The following GALNT13 variants were observed in gnomAD, a reference collection of about 807,000 sequenced individuals.
GALNT13 encodes UDP-GalNAc:polypeptide N-acetylgalactosaminyltransferase 13.
Under a neutral mutation model 64.2 loss-of-function variants are expected in GALNT13, and 28 were observed. That is an observed-to-expected ratio of 0.44 (90% confidence interval 0.32 to 0.60). The LOEUF is 0.60. Among genes scored for constraint, GALNT13 ranks in the 20% least tolerant of loss-of-function variants. The pLI is 0.05. For missense variants in GALNT13, 577 were observed against 669.8 expected, an observed-to-expected ratio of 0.86 and a Z score of 1.53; for synonymous variants, 214 against 224.6, an observed-to-expected ratio of 0.95 and a Z score of 0.42.
the GALNT13 span, among the ~76,000 whole-genome samples, chr2:153,321,018 C>T: frequency 1.3e-5 from 2 of 152,138 alleles, 1 homozygote; most frequent in Non-Finnish European, 2.9e-5. Context: ...CTTAATATAG[C>T]TCATGTTAAC....
chr2:154,432,645 T>C (rs1481813079), intron 11 of GALNT13, among the ~76,000 whole-genome samples: 1 of 152,180 alleles, frequency 6.6e-6, no homozygotes, highest in Non-Finnish European at 1.5e-5. Flanking sequence ...GCTTCCGGTG[T>C]TTGCCAACAA....
intron 3 of GALNT13, among the ~76,000 whole-genome samples, chr2:154,015,959 A>G (rs1004107962): frequency 6.6e-6 from 1 of 152,234 alleles, no homozygotes; most frequent in African/African-American, 2.4e-5. Flanking sequence ...GAGGTGCCAG[A>G]CAAAATGAAA....
At chr2:153,166,670 T>TGTGTGTGTGA in the GALNT13 span, among the ~76,000 whole-genome samples, 3 of 143,350 alleles carry the variant, frequency 2.1e-5, no homozygotes, top group Admixed American at 7.1e-5. Flanking sequence ...TGTGTGTGTG[T>TGTGTGTGTGA]GATGGGACTG....
the GALNT13 span, among the ~76,000 whole-genome samples, chr2:153,859,677 A>C: frequency 6.6e-6 from 1 of 152,184 alleles, no homozygotes; most frequent in Non-Finnish European, 1.5e-5. Flanking sequence ...ATTCACCCTG[A>C]ACCACACAGA....
the GALNT13 span, among the ~76,000 whole-genome samples, chr2:153,264,774 G>A: frequency 6.6e-6 from 1 of 152,128 alleles, no homozygotes; most frequent in Non-Finnish European, 1.5e-5. Context: ...ACAGGGAGGG[G>A]AACAATACAC....
chr2:153,872,795 C>G (rs993595384), intron 1 of GALNT13, among the ~76,000 whole-genome samples: 1 of 152,128 alleles, frequency 6.6e-6, no homozygotes, highest in African/African-American at 2.4e-5. Context: ...TCTTGGGTGT[C>G]TTCCTCGACG....
At chr2:153,508,293 C>A in the GALNT13 span, among the ~76,000 whole-genome samples, 1 of 152,140 alleles carries the variant, frequency 6.6e-6, no homozygotes, top group Non-Finnish European at 1.5e-5. Context: ...TGTCCTTTGT[C>A]TTTGGCAACT....
At chr2:154,218,597 A>C (rs1688167093) in intron 4 of GALNT13, among the ~76,000 whole-genome samples, 1 of 152,082 alleles carries the variant, frequency 6.6e-6, no homozygotes, top group Non-Finnish European at 1.5e-5. Flanking sequence ...CAAGTGTCAC[A>C]GAGGGCCTCC....
At chr2:153,500,511 C>T in the GALNT13 span, among the ~76,000 whole-genome samples, 27 of 152,146 alleles carry the variant, frequency 1.8e-4, no homozygotes, top group Admixed American at 5.9e-4. Context: ...CACCTGGCAG[C>T]GTTTGCAGGA....
chr2:153,795,778 G>T, the GALNT13 span, among the ~76,000 whole-genome samples: 2 of 152,116 alleles, frequency 1.3e-5, no homozygotes, highest in Non-Finnish European at 2.9e-5. Context: ...AATGGCAAAA[G>T]ATTACCCTCA....
At chr2:153,467,411 A>G in the GALNT13 span, among the ~76,000 whole-genome samples, 1 of 152,042 alleles carries the variant, frequency 6.6e-6, no homozygotes, top group Non-Finnish European at 1.5e-5. Flanking sequence ...ATGACAAAGC[A>G]CCATGTGTGT....
chr2:153,333,456 TTC>T, the GALNT13 span, among the ~76,000 whole-genome samples: 1 of 152,170 alleles, frequency 6.6e-6, no homozygotes, highest in African/African-American at 2.4e-5. Flanking sequence ...TCCTTCACAA[TTC>T]TGTGAAGGAA....
At chr2:154,375,575 C>T (rs1319449376) in intron 9 of GALNT13, among the ~76,000 whole-genome samples, 1 of 152,122 alleles carries the variant, frequency 6.6e-6, no homozygotes. Flanking sequence ...AACGTGGACA[C>T]TAATGCAGGA....
At chr2:153,846,903 C>G in the GALNT13 span, among the ~76,000 whole-genome samples, 2 of 151,956 alleles carry the variant, frequency 1.3e-5, no homozygotes. Context: ...AATCAGATAA[C>G]CTGAAGAGGT....
chr2:153,815,382 A>G, the GALNT13 span, among the ~76,000 whole-genome samples: 3 of 152,224 alleles, frequency 2.0e-5, no homozygotes, highest in Admixed American at 6.5e-5. Context: ...CCTGATATGT[A>G]TAAACTCAGG....
At chr2:154,153,280 A>T (rs1010079204) in intron 4 of GALNT13, among the ~76,000 whole-genome samples, 2 of 149,384 alleles carry the variant, frequency 1.3e-5, no homozygotes. Context: ...CTGTCTGATC[A>T]TTCCTCTGGA....
chr2:153,214,696 CATT>C, the GALNT13 span, among the ~76,000 whole-genome samples: 1 of 152,092 alleles, frequency 6.6e-6, no homozygotes, highest in Middle Eastern at 3.2e-3. Context: ...GCAAGGCCAA[CATT>C]TTAATACTTA....
chr2:153,489,062 C>T, the GALNT13 span, among the ~76,000 whole-genome samples: 1 of 152,092 alleles, frequency 6.6e-6, no homozygotes, highest in African/African-American at 2.4e-5. Flanking sequence ...TAAGTGGGAA[C>T]TAAATAGTGT....
the GALNT13 span, among the ~76,000 whole-genome samples, chr2:153,789,639 C>G: frequency 1.3e-5 from 2 of 151,974 alleles, no homozygotes; most frequent in African/African-American, 2.4e-5. Context: ...AAAAAATTCA[C>G]CAAATCCAGG....
Sources: gnomAD v4.1 joint callset for allele counts (sites outside exome capture counted in the v4.1 genomes callset) on GRCh38, gnomAD v4.1.1 for gene constraint, MANE v1.5 for transcripts, NCBI Gene and HGNC (gene_info 2026-07-23, HGNC 2026-07-21) for gene names.